The following EXOSC2 variants were observed in gnomAD, a reference collection of about 807,000 sequenced individuals.
EXOSC2 encodes exosome complex component RRP4.
EXOSC2 carries 29 observed loss-of-function variants against 37.6 expected under a neutral mutation model. That is an observed-to-expected ratio of 0.77 (90% CI 0.57 to 1.05). EXOSC2 has a LOEUF of 1.05. Ranked by LOEUF, EXOSC2 falls within the 50% of genes least tolerant of loss-of-function variation. The pLI, the probability that EXOSC2 is intolerant of heterozygous loss-of-function variation, is 0.00. For missense variants in EXOSC2, 346 were observed against 365.6 expected, an observed-to-expected ratio of 0.95 and a Z score of 0.44; for synonymous variants, 119 against 131.1, an observed-to-expected ratio of 0.91 and a Z score of 0.63.
rs1187345470 is a variant in EXOSC2, at chr9:130,703,121, G to A, written c.741G>A (p.Gln247=). The change falls in exon 8 of 9, where the codon CAG becomes CAA. Residue 247 remains glutamine (Q), a synonymous_variant. Coordinates refer to ENST00000372358, the MANE Select transcript of EXOSC2 (RefSeq NM_014285.7). ...ACTGCATCATCTCGCTGGTAACTCAGAGGATGATGCTGTATGATACCAGCA... is the reference window on the plus strand; with the variant it reads ...ACTGCATCATCTCGCTGGTAACTCAAAGGATGATGCTGTATGATACCAGCA... ...LRNCIISLVT[Q]RMMLYDTSIL... 6.2e-7 allele frequency: 1 copy of A among 1,613,874 alleles called. No individual in the cohort carries two copies. Among genetic ancestry groups the A allele is most frequent in the African/African-American group, 1.3e-5 (1 of 74,914 alleles).
chr9:130,702,452 A>G (rs377440360), intron 7 of EXOSC2, 142 bp downstream of exon 7: 17 of 658,412 alleles, frequency 2.6e-5, no homozygotes, highest in South Asian at 1.2e-4. Context: ...CGGTATGTTC[A>G]TGAAGCCCAT....
At chr9:130,702,971 G>T in intron 7 of EXOSC2, 82 bp from the exon 8 acceptor site, 1 of 1,493,276 alleles carries the variant, frequency 6.7e-7, no homozygotes, top group Non-Finnish European at 9.2e-7. Context: ...AGTCATAAAT[G>T]ATTTATTTGT....
Position 130,702,311 on chromosome 9 carries a change from G to A in EXOSC2, c.672+1G>A. 6.2e-7 allele frequency: 1 copy of A among 1,613,084 alleles called. No homozygotes were observed. The highest frequency in any genetic ancestry group is 1.3e-5 in the African/African-American group (1 of 75,002). ...AGGGGGCTTCATTGCAAACCTGGAG[G>A]TGAGCAAACACTGTGGCCATTTTCA... On this transcript the variant is annotated splice_donor_variant, in intron 7 of 8. Coordinates refer to ENST00000372358, the MANE Select transcript of EXOSC2 (RefSeq NM_014285.7). LOFTEE classifies it high-confidence loss of function.
chr9:130,693,961 G>GTTAGTGGATAC (rs1588194664), intron 1 of EXOSC2, 48 bp downstream of exon 1: 1 of 1,557,880 alleles, frequency 6.4e-7, no homozygotes. Context: ...CGGCTTCAGG[G>GTTAGTGGATAC]CTCTCTGCAC....
At position 130,694,667 on chromosome 9, in the gene EXOSC2, T is replaced by C. The variant is rs2132624695; in HGVS notation, c.122+754T>C. The stretch of plus-strand genomic sequence containing the variant: ...TTGTATATGTACAAGGGGCACAGCA[T>C]TCATAGCATTGCCCTTTAACCTGTT... On this transcript the variant is annotated intron_variant, in intron 1 of 8. Transcript: ENST00000372358. This position sits in a 1 kb window ranked among gnomAD's most constrained non-coding sequence, Gnocchi z 4.0. 6.6e-6 allele frequency among the ~76,000 whole-genome samples: 1 copy of C among 152,324 alleles called. No individual in the cohort carries two copies. Among genetic ancestry groups the C allele is most frequent in the East Asian group, 1.9e-4 (1 of 5,192 alleles).
rs774252290 is a variant in EXOSC2 at position 130,699,411 on chromosome 9, A to C, written c.426+17A>C. 3 of 1,613,206 alleles carry C rather than the reference A, an allele frequency of 1.9e-6. No individual in the cohort carries two copies. The South Asian group carries it at 3.3e-5, about 18-fold the overall frequency. On this transcript the variant is annotated intron_variant, in intron 5 of 8. Transcript: ENST00000372358. ...CTTATCAGTGTATCCTGCGCTTTGC[A>C]CTCCAGCCTCTTGATGCTTTTCTGT...
At chr9:130,702,091 C>T (rs755026598) in intron 6 of EXOSC2, 43 bp from the exon 7 acceptor site, 27 of 1,595,372 alleles carry the variant, frequency 1.7e-5, no homozygotes, top group East Asian at 6.7e-5. Flanking sequence ...TCATTCATCC[C>T]GCCAATCTTG....
intron 3 of EXOSC2, 36 bp downstream of exon 3, chr9:130,697,663 A>G (rs780421078): frequency 1.9e-6 from 3 of 1,606,790 alleles, no homozygotes; most frequent in Non-Finnish European, 2.6e-6. Flanking sequence ...TACAAAGTCG[A>G]GGCAGGCTGG....
intron 2 of EXOSC2, among the ~76,000 whole-genome samples, chr9:130,696,366 C>G (rs1021518655): frequency 2.0e-5 from 3 of 152,126 alleles, no homozygotes; most frequent in Non-Finnish European, 4.4e-5. Flanking sequence ...CCAGAGTAAG[C>G]ATTTTGGCTT....
In EXOSC2 at chr9:130,702,259, A is replaced by C; in HGVS notation, c.621A>C (p.Pro207=). 1 of 1,614,136 alleles carries C rather than the reference A, an allele frequency of 6.2e-7. No individual in the cohort carries two copies. The highest frequency in any genetic ancestry group is 8.5e-7 in the Non-Finnish European group (1 of 1,180,004). Residue 207 remains proline (P), a synonymous_variant, in exon 7 of 9, where the codon CCA becomes CCC. Transcript: ENST00000372358. ...ACAACGGCTTCATCTGGATTTACCCAACACCTGAGCACAAAGAAGAGGAAG... is the reference window on the plus strand; with the variant it reads ...ACAACGGCTTCATCTGGATTTACCCCACACCTGAGCACAAAGAAGAGGAAG... ...LGNNGFIWIY[P]TPEHKEEEAG...
chr9:130,701,860 G>A (rs1425713805), intron 6 of EXOSC2: 4 of 1,193,872 alleles, frequency 3.4e-6, no homozygotes, highest in South Asian at 2.5e-5. Context: ...CTAATGTCTG[G>A]CACATGAGTT....
intron 6 of EXOSC2, chr9:130,701,633 G>A (rs112115951): frequency 9.1e-6 from 9 of 986,272 alleles, no homozygotes; most frequent in African/African-American, 5.2e-5. Flanking sequence ...TGGGTCCTGC[G>A]GACTCTTCCT....
intron 8 of EXOSC2, 146 bp from the exon 9 acceptor site, chr9:130,703,548 C>T (rs1451241704): frequency 1.6e-6 from 1 of 644,476 alleles, no homozygotes. Flanking sequence ...CTGCTTCTAG[C>T]AGATCATATC....
rs1831152046 is a variant in EXOSC2 at position 130,698,836 on chromosome 9, T to G, written c.361-493T>G. 1.3e-5 allele frequency among the ~76,000 whole-genome samples: 2 copies of G among 152,108 alleles called. No homozygotes were observed. Among genetic ancestry groups the G allele is most frequent in the Non-Finnish European group, 2.9e-5 (2 of 68,012 alleles). ...AGATAACTGACCTAGTCCCTGGCAGTAGAAGAATAAATAAGCTGTGGTTAT... is the reference window on the plus strand; with the variant it reads ...AGATAACTGACCTAGTCCCTGGCAGGAGAAGAATAAATAAGCTGTGGTTAT... On this transcript the variant is annotated intron_variant, in intron 4 of 8. Transcript: ENST00000372358. The surrounding 1 kb of genome is among the most constrained non-coding windows in gnomAD (Gnocchi z 4.1).
chr9:130,701,197 C>T (rs928006886), intron 6 of EXOSC2: 9 of 403,354 alleles, frequency 2.2e-5, no homozygotes, highest in African/African-American at 1.7e-4. Context: ...AGAGCCCCTC[C>T]AACTGTGGGC....
In EXOSC2 at chr9:130,693,785, C is replaced by A; in HGVS notation, c.-7C>A. 6.2e-7 allele frequency: 1 copy of A among 1,601,404 alleles called. No homozygotes were observed. Among genetic ancestry groups the A allele is most frequent in the Non-Finnish European group, 8.5e-7 (1 of 1,171,334 alleles). On this transcript the variant is annotated 5_prime_UTR_variant, in exon 1 of 9. Transcript: ENST00000372358. Reference sequence around the variant, plus strand: ...GAGCTGCGCCTGCGCAACTCATTGGCGCCAAGATGGCGATGGAGATGAGGC... The same window carrying A: ...GAGCTGCGCCTGCGCAACTCATTGGAGCCAAGATGGCGATGGAGATGAGGC...
chr9:130,703,285 C>A, intron 8 of EXOSC2, 104 bp downstream of exon 8: 1 of 1,363,642 alleles, frequency 7.3e-7, no homozygotes. Context: ...CAACATCCGT[C>A]AGTATGAACT....
intron 6 of EXOSC2, chr9:130,701,919 TA>T (rs1382989203): frequency 1.7e-5 from 23 of 1,379,008 alleles, no homozygotes; most frequent in Middle Eastern, 2.7e-4. Context: ...CAGAGAAGAG[TA>T]TTGAAGGTCA....
Position 130,698,074 on chromosome 9 carries a change from G to C in EXOSC2, c.271-88G>C, listed in dbSNP as rs192458769. The C allele has an allele frequency of 7.7e-7, 1 of 1,291,556 alleles. No homozygotes were observed. The highest frequency in any genetic ancestry group is 1.2e-5 in the South Asian group (1 of 81,360). The allele number at this position is 1,291,556 out of a possible 1,614,324, so 80.0% of individuals were successfully genotyped here. A position where few individuals can be genotyped will look rare whatever the true frequency, so the allele number is the denominator to read the frequency against. On this transcript the variant is annotated intron_variant, in intron 3 of 8. Transcript: ENST00000372358. The surrounding 1 kb of genome is among the most constrained non-coding windows in gnomAD (Gnocchi z 4.1). ...CTCCCAAAGTGCTGGGATTACAGGCGTGAGCCACCACATCTGGCCTTACTG... is the reference window on the plus strand; with the variant it reads ...CTCCCAAAGTGCTGGGATTACAGGCCTGAGCCACCACATCTGGCCTTACTG...
Sources: allele counts gnomAD v4.1 joint callset (sites outside exome capture counted in the v4.1 genomes callset), GRCh38; gene constraint gnomAD v4.1.1; non-coding constraint Gnocchi (gnomAD v3.1); transcripts MANE v1.5; gene names NCBI Gene and HGNC (gene_info 2026-07-23, HGNC 2026-07-21).